The following ESYT3 variants were observed in gnomAD, a reference collection of about 807,000 sequenced individuals.
ESYT3 encodes extended synaptotagmin-3.
In ESYT3, 101 loss-of-function variants were observed where a neutral mutation model predicts 111.5. That is an observed-to-expected ratio of 0.91 (90% CI 0.77 to 1.07). ESYT3 has a LOEUF of 1.07. Among genes scored for constraint, ESYT3 ranks in the 50% least tolerant of loss-of-function variants. ESYT3 has a pLI of 0.00. For missense variants in ESYT3, 1,097 were observed against 1,109.4 expected (o/e 0.99, Z 0.16); for synonymous variants, 416 against 446.8 (o/e 0.93, Z 0.87).
chr3:138,450,978 C>G (rs1326681790), intron 1 of ESYT3, among the ~76,000 whole-genome samples: 1 of 150,684 alleles, frequency 6.6e-6, no homozygotes, highest in Non-Finnish European at 1.5e-5. Context: ...GCTGTGGCTG[C>G]TGTTTTGGTG....
intron 1 of ESYT3, among the ~76,000 whole-genome samples, chr3:138,436,755 C>T (rs748336534): frequency 1.3e-5 from 2 of 152,184 alleles, no homozygotes; most frequent in Non-Finnish European, 2.9e-5. Flanking sequence ...TGAGGGAGTC[C>T]AGGCCATCTG....
chr3:138,471,035 C>G lies in ESYT3; in HGVS notation c.1740+9C>G. The G allele has an allele frequency of 6.2e-7, 1 of 1,610,724 alleles. No individual in the cohort carries two copies. Among genetic ancestry groups the G allele is most frequent in the Admixed American group, 1.7e-5 (1 of 60,020 alleles). Reference sequence around the variant, plus strand: ...TGAGGCTGGTGCTTCGGGTAAATCTCTCCGGTCCCCTGGGGGAGGGGAGGA... The same window carrying G: ...TGAGGCTGGTGCTTCGGGTAAATCTGTCCGGTCCCCTGGGGGAGGGGAGGA... On this transcript the variant is annotated intron_variant, in intron 17 of 22. Transcript: ENST00000389567.
chr3:138,466,499 G>C (rs551903507), intron 10 of ESYT3, among the ~76,000 whole-genome samples: 1 of 152,300 alleles, frequency 6.6e-6, no homozygotes, highest in South Asian at 2.1e-4. Flanking sequence ...TAATGTTGCA[G>C]ATTAGAAGTG....
At position 138,468,198 on chromosome 3, in the gene ESYT3, A is replaced by G. The variant is rs776659033; in HGVS notation, c.1308+4A>G. The G allele has an allele frequency of 1.2e-6, 2 of 1,612,958 alleles. No homozygotes were observed. Among genetic ancestry groups the G allele is most frequent in the South Asian group, 2.2e-5 (2 of 91,060 alleles). On this transcript the variant is annotated splice_donor_region_variant and intron_variant, in intron 12 of 22. Transcript: ENST00000389567. ...TGACCAAGAAGTTCTGACTGAGGTG[A>G]GTGTGGGGTGTCAAGGGCTCCCTTG...
rs1349750633 is a variant in ESYT3, at chr3:138,477,361, G to C, written c.*507G>C. The C allele has an allele frequency of 6.5e-6, 1 of 152,704 alleles. No homozygotes were observed. Among genetic ancestry groups the C allele is most frequent in the Non-Finnish European group, 1.5e-5 (1 of 68,418 alleles). 9.5% of individuals were successfully genotyped at this position (152,704 alleles called of 1,614,324 possible). ...GTGACCCAACTCAAAACTGCCAAGA[G>C]CTAACACTGCCAAAGCCCTTCTGGC... is the stretch of plus-strand genomic sequence containing the variant. On this transcript the variant is annotated 3_prime_UTR_variant, in exon 23 of 23. Transcript: ENST00000389567.
Position 138,468,486 on chromosome 3 carries a change from A to C in ESYT3, c.1309-169A>C, listed in dbSNP as rs139173121. Among the ~76,000 whole-genome samples the C allele has an allele frequency of 2.8e-3, 431 of 152,268 alleles. 1 individual carries two copies. The highest frequency in any genetic ancestry group is 5.0e-3 in the Non-Finnish European group (337 of 68,030). ...GTCTAACTTGAATCTGTCATGCACC[A>C]GTTATAGTCTTAACCTCAACAAAAT... On this transcript the variant is annotated intron_variant, in intron 12 of 22. Transcript: ENST00000389567.
In ESYT3 at chr3:138,435,562, CG is replaced by C. The variant is rs538580295; in HGVS notation, c.327+440del. ...GCAAATACCGCAGTGACAGAAACGG[CG>C]GGCCCAGTTGCTTTCGGCCGAGGCC... On this transcript the variant is annotated intron_variant, in intron 1 of 22. Coordinates refer to ENST00000389567, the MANE Select transcript of ESYT3 (RefSeq NM_031913.5). The surrounding 1 kb of genome is among the most constrained non-coding windows in gnomAD (Gnocchi z 4.8). Among the ~76,000 whole-genome samples, 130 of 152,322 alleles carry C rather than the reference CG, an allele frequency of 8.5e-4. No individual in the cohort carries two copies. The highest frequency in any genetic ancestry group is 3.1e-3 in the African/African-American group (128 of 41,578).
chr3:138,472,039 T>C (rs1191531846), intron 17 of ESYT3, among the ~76,000 whole-genome samples: 1 of 152,196 alleles, frequency 6.6e-6, no homozygotes, highest in Non-Finnish European at 1.5e-5. Flanking sequence ...TCACAGCCTC[T>C]TCTAACTCCC....
At chr3:138,447,727 A>G (rs1360194730) in intron 1 of ESYT3, among the ~76,000 whole-genome samples, 1 of 152,184 alleles carries the variant, frequency 6.6e-6, no homozygotes, top group Non-Finnish European at 1.5e-5. Flanking sequence ...AATATACAGG[A>G]CTTTTAGAGA....
chr3:138,472,990 C>T, intron 18 of ESYT3, 131 bp downstream of exon 18: 1 of 1,504,504 alleles, frequency 6.6e-7, no homozygotes, highest in African/African-American at 1.4e-5. Flanking sequence ...TAAGAGGCAG[C>T]ATGGTGTGGT....
intron 3 of ESYT3, among the ~76,000 whole-genome samples, chr3:138,456,759 C>G (rs964824135): frequency 6.6e-6 from 1 of 152,184 alleles, no homozygotes; most frequent in African/African-American, 2.4e-5. Context: ...CCACCCCACC[C>G]CCGGTCTGTG....
Position 138,460,135 on chromosome 3 carries a change from C to T in ESYT3, c.738+101C>T, listed in dbSNP as rs2032542292. On this transcript the variant is annotated intron_variant, in intron 6 of 22. Coordinates refer to ENST00000389567, the MANE Select transcript of ESYT3 (RefSeq NM_031913.5). Reference sequence around the variant, plus strand: ...TTTGAGTCCAAGAATGGACATTGTCCCAGCCCACTGAGACCTGGGCAGTCA... The same window carrying T: ...TTTGAGTCCAAGAATGGACATTGTCTCAGCCCACTGAGACCTGGGCAGTCA... 6 of 1,028,620 alleles carry T rather than the reference C, an allele frequency of 5.8e-6. No individual in the cohort carries two copies. In the South Asian group the frequency reaches 7.1e-5, roughly 12 times the overall value. 63.7% of individuals were successfully genotyped at this position (1,028,620 alleles called of 1,614,324 possible).
At chr3:138,480,025 G>A (rs1212288312), downstream of ESYT3, 1 of 152,174 alleles carries the variant, frequency 6.6e-6, no homozygotes, top group Admixed American at 6.5e-5. Context: ...TAGAGTAATA[G>A]CAGAAAGCCA....
rs150550932 is a variant in ESYT3, at chr3:138,457,577, G to A, written c.514G>A (p.Val172Ile). Residue 172 changes from valine (V) to isoleucine (I), a missense_variant, in exon 4 of 23, where the codon GTC (valine) becomes ATC (isoleucine). By Grantham distance (29) the Val-to-Ile change is conservative. Transcript: ENST00000389567. ...TTGGCATTTCTTCCAGTGTCCCAGGGTCAACGGTGTCAAGGCACACACTAA... is the reference window on the plus strand; with the variant it reads ...TTGGCATTTCTTCCAGTGTCCCAGGATCAACGGTGTCAAGGCACACACTAA... ...KLYFGQKCPR[V>I]NGVKAHTNTC... 1,320 of 1,614,122 alleles carry A rather than the reference G, an allele frequency of 8.2e-4. 1 individual carries two copies. The highest frequency in any genetic ancestry group is 9.8e-4 in the Non-Finnish European group (1,160 of 1,180,018).
At chr3:138,473,478 G>A in intron 18 of ESYT3, 58 bp from the exon 19 acceptor site, 1 of 1,438,980 alleles carries the variant, frequency 6.9e-7, no homozygotes, top group Non-Finnish European at 9.8e-7. Flanking sequence ...CTTTGGGGGT[G>A]GCGGAAGAGG....
intron 9 of ESYT3, 115 bp from the exon 10 acceptor site, chr3:138,465,224 A>G: frequency 1.5e-6 from 1 of 678,728 alleles, no homozygotes; most frequent in Non-Finnish European, 2.6e-6. Context: ...GGGGTTCTTG[A>G]GGCACTGAGG....
At position 138,473,597 on chromosome 3, in the gene ESYT3, C is replaced by G. The variant is rs771136407; in HGVS notation, c.2299C>G (p.Leu767Val). 4 of 1,613,712 alleles carry G rather than the reference C, an allele frequency of 2.5e-6. No homozygotes were observed. Among genetic ancestry groups the G allele is most frequent in the South Asian group, 1.1e-5 (1 of 91,064 alleles). ...EIQLTVRYVC[L>V]RRCLSVLING... ...TCAGCTCACAGTGCGCTATGTGTGT[C>G]TGCGGCGCTGCCTCAGCGTGCTAAT... Residue 767 changes from leucine to valine, a missense_variant, in exon 19 of 23, where the codon CTG (leucine) becomes GTG (valine). Leu to Val is a conservative substitution (Grantham distance 32, BLOSUM62 1). Coordinates refer to ENST00000389567, the MANE Select transcript of ESYT3 (RefSeq NM_031913.5).
Position 138,470,164 on chromosome 3 carries a change from C to T in ESYT3, c.1590+18C>T, listed in dbSNP as rs939907827. 1.2e-6 allele frequency: 2 copies of T among 1,608,476 alleles called. No homozygotes were observed. Among genetic ancestry groups the T allele is most frequent in the Admixed American group, 3.3e-5 (2 of 59,840 alleles). ...ATCTGAAGGTTTGATGGAAGAAGGG[C>T]TCTTGAAACAGAGTTAAGAGGTTTT... On this transcript the variant is annotated intron_variant, in intron 16 of 22. Transcript: ENST00000389567.
At chr3:138,475,920 C>T (rs1055383625) in intron 20 of ESYT3, among the ~76,000 whole-genome samples, 12 of 152,170 alleles carry the variant, frequency 7.9e-5, no homozygotes, top group African/African-American at 2.6e-4. Flanking sequence ...AGCGAAACTC[C>T]GTCTCAAAAA....
Sources: allele counts gnomAD v4.1 joint callset (sites outside exome capture counted in the v4.1 genomes callset), GRCh38; gene constraint gnomAD v4.1.1; non-coding constraint Gnocchi (gnomAD v3.1); transcripts MANE v1.5; gene names NCBI Gene and HGNC (gene_info 2026-07-23, HGNC 2026-07-21).